Variants in PGCKA1 observed in about 807,000 individuals in gnomAD.
PGCKA1 encodes the protein PDCD10 and GCKIII kinases associated 1.
the PGCKA1 span, among the ~76,000 whole-genome samples, chr4:37,509,665 T>A: frequency 6.6e-6 from 1 of 150,992 alleles, no homozygotes; most frequent in South Asian, 2.1e-4. Context: ...CACTCCAGCC[T>A]GGGCAACATT....
the PGCKA1 span, chr4:37,589,031 G>A: frequency 1.6e-6 from 1 of 633,960 alleles, no homozygotes; most frequent in Admixed American, 2.7e-5. Context: ...CACATTAAGA[G>A]TTTGGAATTG....
chr4:37,566,792 G>A, the PGCKA1 span, among the ~76,000 whole-genome samples: 3 of 152,134 alleles, frequency 2.0e-5, no homozygotes, highest in East Asian at 5.8e-4. Context: ...TGTTGGGTCA[G>A]GCTGCTCTAG....
chr4:37,510,304 G>A, the PGCKA1 span, among the ~76,000 whole-genome samples: 1 of 152,150 alleles, frequency 6.6e-6, no homozygotes, highest in East Asian at 1.9e-4. Flanking sequence ...GAAGGGTTAA[G>A]TATTTATTAT....
the PGCKA1 span, among the ~76,000 whole-genome samples, chr4:37,586,445 A>G: frequency 2.0e-5 from 3 of 152,206 alleles, no homozygotes; most frequent in Admixed American, 1.3e-4. Flanking sequence ...CGGTAAGGAA[A>G]GAGGGTGGCA....
chr4:37,572,317 C>G, the PGCKA1 span, among the ~76,000 whole-genome samples: 2 of 152,086 alleles, frequency 1.3e-5, no homozygotes, highest in African/African-American at 4.8e-5. Context: ...CCGCCCGCCT[C>G]GGCCTCCCAA....
chr4:37,551,084 T>C, the PGCKA1 span, among the ~76,000 whole-genome samples: 1 of 152,068 alleles, frequency 6.6e-6, no homozygotes, highest in Non-Finnish European at 1.5e-5. Flanking sequence ...ATTTCCAAGG[T>C]TGCAGACTGT....
At chr4:37,474,077 A>G in the PGCKA1 span, among the ~76,000 whole-genome samples, 5 of 152,038 alleles carry the variant, frequency 3.3e-5, no homozygotes, top group East Asian at 5.8e-4. Context: ...GTGTCCCCCA[A>G]ATTTCATGTG....
At chr4:37,505,005 A>C in the PGCKA1 span, among the ~76,000 whole-genome samples, 2 of 152,216 alleles carry the variant, frequency 1.3e-5, no homozygotes, top group South Asian at 2.1e-4. Context: ...TCCAGATCTT[A>C]GAGGAAAGGC....
chr4:37,578,560 ATAAG>A, the PGCKA1 span, among the ~76,000 whole-genome samples: 1 of 152,170 alleles, frequency 6.6e-6, no homozygotes, highest in Non-Finnish European at 1.5e-5. Context: ...GTTATGATTA[ATAAG>A]TAAGGACTTA....
chr4:37,523,710 C>T, the PGCKA1 span, among the ~76,000 whole-genome samples: 1 of 152,126 alleles, frequency 6.6e-6, no homozygotes, highest in African/African-American at 2.4e-5. Flanking sequence ...TTTGTTCAGT[C>T]GGCTATAGCA....
At chr4:37,509,586 C>G in the PGCKA1 span, among the ~76,000 whole-genome samples, 1 of 151,864 alleles carries the variant, frequency 6.6e-6, no homozygotes, top group Non-Finnish European at 1.5e-5. Context: ...GCTGCAATCT[C>G]GGCACTTTGG....
chr4:37,567,662 CTCTT>C, the PGCKA1 span, among the ~76,000 whole-genome samples: 1 of 152,246 alleles, frequency 6.6e-6, no homozygotes, highest in East Asian at 1.9e-4. Context: ...CTCTCTCTCT[CTCTT>C]TCTCTCTCAC....
At chr4:37,577,482 G>A in the PGCKA1 span, among the ~76,000 whole-genome samples, 2 of 151,132 alleles carry the variant, frequency 1.3e-5, no homozygotes, top group African/African-American at 4.9e-5. Flanking sequence ...TCTGGCTAAA[G>A]GTTTGCCAGT....
the PGCKA1 span, chr4:37,454,028 C>G: frequency 6.2e-6 from 1 of 160,342 alleles, no homozygotes; most frequent in Non-Finnish European, 1.3e-5. Flanking sequence ...CCGCCGCCGC[C>G]GTCTGGCCCC....
the PGCKA1 span, among the ~76,000 whole-genome samples, chr4:37,463,105 G>T: frequency 1.3e-5 from 2 of 151,988 alleles, no homozygotes. Flanking sequence ...TCTCCCATAA[G>T]TTGGAGGTTG....
At chr4:37,463,047 T>C in the PGCKA1 span, among the ~76,000 whole-genome samples, 1 of 151,434 alleles carries the variant, frequency 6.6e-6, no homozygotes, top group Non-Finnish European at 1.5e-5. Flanking sequence ...CCTCATTTTA[T>C]GGATAAGAAA....
the PGCKA1 span, among the ~76,000 whole-genome samples, chr4:37,542,716 G>A: frequency 2.6e-4 from 40 of 152,226 alleles, no homozygotes; most frequent in African/African-American, 5.8e-4. Flanking sequence ...GCCATATGTC[G>A]TTAGTATTTA....
chr4:37,535,961 T>C, the PGCKA1 span, among the ~76,000 whole-genome samples: 2 of 152,242 alleles, frequency 1.3e-5, no homozygotes, highest in Non-Finnish European at 2.9e-5. Context: ...AGCTTCAAAA[T>C]AGTACCTCCT....
At chr4:37,577,383 A>C in the PGCKA1 span, among the ~76,000 whole-genome samples, 1 of 152,054 alleles carries the variant, frequency 6.6e-6, no homozygotes, top group African/African-American at 2.4e-5. Flanking sequence ...AGTAGCCACT[A>C]ATGATTTATT....
Sources: allele counts gnomAD v4.1 joint callset (sites outside exome capture counted in the v4.1 genomes callset), GRCh38; gene constraint gnomAD v4.1.1; transcripts MANE v1.5; gene names NCBI Gene and HGNC (gene_info 2026-07-23, HGNC 2026-07-21).